Variants in IGDCC3 observed in about 807,000 individuals in gnomAD.
IGDCC3 encodes the protein immunoglobulin superfamily DCC subclass member 3.
In IGDCC3, 47 loss-of-function variants were observed where a neutral mutation model predicts 72.0. The ratio of observed to expected loss-of-function variants is 0.65; its 90% CI spans 0.52 to 0.83. The LOEUF is 0.83. Ranked by LOEUF, IGDCC3 falls within the 40% of genes least tolerant of loss-of-function variation. IGDCC3 has a pLI of 0.00. For synonymous variants in IGDCC3, 477 were observed against 472.8 expected (o/e 1.01, Z -0.11); for missense variants, 1,038 against 1,091.3 (o/e 0.95, Z 0.69).
chr15:65,329,458 C>G lies in IGDCC3; in HGVS notation c.2137G>C (p.Asp713His), dbSNP rs761587880. 1 of 1,610,732 alleles carries G rather than the reference C, an allele frequency of 6.2e-7. No individual in the cohort carries two copies. The highest frequency in any genetic ancestry group is 1.1e-5 in the South Asian group (1 of 90,678). Reference sequence around the variant, plus strand: ...AACAGCTGCTCCAGCTCCTTCATATCCACACGTTTCTCGTCTCGGCCCAGC... The same window carrying G: ...AACAGCTGCTCCAGCTCCTTCATATGCACACGTTTCTCGTCTCGGCCCAGC... Reference protein sequence around the residue: ...GQLGRDEKRVDMKELEQLFPP... With the variant: ...GQLGRDEKRVHMKELEQLFPP... The change falls in exon 13 of 14, where the codon GAT becomes CAT. Residue 713 changes from aspartate (D) to histidine (H), a missense_variant. Transcript: ENST00000327987. The surrounding 1 kb of genome is among the most constrained non-coding windows in gnomAD (Gnocchi z 4.1).
chr15:65,352,782 A>G (rs1362697823), intron 2 of IGDCC3, among the ~76,000 whole-genome samples: 3 of 152,254 alleles, frequency 2.0e-5, no homozygotes, highest in Non-Finnish European at 2.9e-5. Flanking sequence ...AGTATAATAA[A>G]GCAAATCAGT....
At chr15:65,371,717 G>T (rs1025467581) in intron 2 of IGDCC3, among the ~76,000 whole-genome samples, 13 of 152,234 alleles carry the variant, frequency 8.5e-5, no homozygotes, top group African/African-American at 3.1e-4. Context: ...GAGGGGCAGG[G>T]ATTGAGGGTG....
At chr15:65,356,967 C>T (rs896978431) in intron 2 of IGDCC3, among the ~76,000 whole-genome samples, 1 of 150,076 alleles carries the variant, frequency 6.7e-6, no homozygotes, top group African/African-American at 2.5e-5. Context: ...CCCTTGCCTC[C>T]GCCTCCGAAG....
At position 65,329,807 on chromosome 15, in the gene IGDCC3, G is replaced by A. The variant is rs764044082; in HGVS notation, c.1916C>T (p.Thr639Ile). Reference sequence around the variant, plus strand: ...GATGTGGATGCCGATGACGATGCCTGTGGTGGACGTCTGGTTGGCGGCCTC... The same window carrying A: ...GATGTGGATGCCGATGACGATGCCTATGGTGGACGTCTGGTTGGCGGCCTC... ...KEEAANQTST[T>I]GIVIGIHIGV... is the part of the protein sequence containing the mutation. Residue 639 changes from threonine to isoleucine, a missense_variant, in exon 12 of 14, where the codon ACA becomes ATA. By Grantham distance (89) the Thr-to-Ile change is moderately conservative. Coordinates refer to ENST00000327987, the MANE Select transcript of IGDCC3 (RefSeq NM_004884.4). This position sits in a 1 kb window ranked among gnomAD's most constrained non-coding sequence, Gnocchi z 4.1. 5 of 1,614,142 alleles carry A rather than the reference G, an allele frequency of 3.1e-6. No homozygotes were observed. The highest frequency in any genetic ancestry group is 1.1e-5 in the South Asian group (1 of 91,076).
chr15:65,367,938 A>G (rs530221497), intron 2 of IGDCC3, among the ~76,000 whole-genome samples: 1 of 151,898 alleles, frequency 6.6e-6, no homozygotes, highest in Admixed American at 6.6e-5. Flanking sequence ...TGGTCTCTAC[A>G]TTCCTTGTTT....
intron 2 of IGDCC3, among the ~76,000 whole-genome samples, chr15:65,366,680 T>C (rs551903082): frequency 6.6e-6 from 1 of 152,284 alleles, no homozygotes; most frequent in East Asian, 1.9e-4. Context: ...GAGCCAGTCC[T>C]GGCCCCCCAC....
chr15:65,328,872 C>T lies in IGDCC3; in HGVS notation c.*37G>A. 1 of 1,502,504 alleles carries T rather than the reference C, an allele frequency of 6.7e-7. No homozygotes were observed. The allele number at this position is 1,502,504 out of a possible 1,614,324, so 93.1% of individuals were successfully genotyped here. A position where few individuals can be genotyped will look rare whatever the true frequency, so the allele number is the denominator to read the frequency against. On this transcript the variant is annotated 3_prime_UTR_variant, in exon 14 of 14. Coordinates refer to ENST00000327987, the MANE Select transcript of IGDCC3 (RefSeq NM_004884.4). ...CTTGCTTTTGACCTGAGAATGGGCC[C>T]CGCTCCGTCCACCCTCTGGAGCCTG...
intron 2 of IGDCC3, among the ~76,000 whole-genome samples, chr15:65,345,230 T>C (rs2091115451): frequency 6.6e-6 from 1 of 152,108 alleles, no homozygotes; most frequent in Non-Finnish European, 1.5e-5. Context: ...AATCCGTCCT[T>C]AGATGTGCAC....
chr15:65,332,375 G>T (rs1345496619), intron 6 of IGDCC3, among the ~76,000 whole-genome samples: 1 of 152,136 alleles, frequency 6.6e-6, no homozygotes, highest in African/African-American at 2.4e-5. Context: ...ATTTGTATCC[G>T]AAAGCAATCA....
chr15:65,346,696 T>C (rs1291102324), intron 2 of IGDCC3, among the ~76,000 whole-genome samples: 2 of 151,994 alleles, frequency 1.3e-5, no homozygotes, highest in African/African-American at 4.8e-5. Flanking sequence ...TGACCTCAGG[T>C]GATCCGCCTG....
intron 2 of IGDCC3, among the ~76,000 whole-genome samples, chr15:65,368,990 A>C (rs2091306551): frequency 6.6e-6 from 1 of 152,194 alleles, no homozygotes; most frequent in Non-Finnish European, 1.5e-5. Context: ...AAAAGAAAGA[A>C]GCCCTTTAGG....
At chr15:65,365,322 C>T (rs76370079) in intron 2 of IGDCC3, among the ~76,000 whole-genome samples, 5,500 of 152,246 alleles carry the variant, frequency 0.036, 163 homozygotes, top group African/African-American at 0.081. Flanking sequence ...CATCTTCCCA[C>T]CCCAGGACCC....
At chr15:65,333,083 A>G (rs1011605015) in intron 6 of IGDCC3, among the ~76,000 whole-genome samples, 174 bp downstream of exon 6, 1 of 152,354 alleles carries the variant, frequency 6.6e-6, no homozygotes, top group Middle Eastern at 3.4e-3. Context: ...CAACGCAAGC[A>G]TTCCTCGGGA....
At position 65,328,860 on chromosome 15, in the gene IGDCC3, T is replaced by G; in HGVS notation, c.*49A>C. ...GACAGTAGAAATCTTGCTTTTGACC[T>G]GAGAATGGGCCCCGCTCCGTCCACC... On this transcript the variant is annotated 3_prime_UTR_variant, in exon 14 of 14. Transcript: ENST00000327987. 1 of 1,487,816 alleles carries G rather than the reference T, an allele frequency of 6.7e-7. No homozygotes were observed. The highest frequency in any genetic ancestry group is 8.9e-7 in the Non-Finnish European group (1 of 1,119,330). 92.2% of individuals were successfully genotyped at this position (1,487,816 alleles called of 1,614,324 possible). A position where few individuals can be genotyped will look rare whatever the true frequency, so the allele number is the denominator to read the frequency against.
chr15:65,376,836 G>A (rs2140176426), intron 1 of IGDCC3, among the ~76,000 whole-genome samples: 1 of 152,192 alleles, frequency 6.6e-6, no homozygotes, highest in South Asian at 2.1e-4. Flanking sequence ...AGTGTCTGTG[G>A]GGAACTTGAG....
At chr15:65,336,467 GCAGGGACACTGGTCAT>G (rs955697023) in intron 2 of IGDCC3, among the ~76,000 whole-genome samples, 9 of 152,074 alleles carry the variant, frequency 5.9e-5, no homozygotes, top group African/African-American at 2.2e-4. Context: ...TTGTTGCCCA[GCAGGGACACTGGTCAT>G]CAGGCCCTGG....
At chr15:65,360,994 C>A (rs539250773) in intron 2 of IGDCC3, among the ~76,000 whole-genome samples, 2 of 152,188 alleles carry the variant, frequency 1.3e-5, no homozygotes, top group South Asian at 4.2e-4. Flanking sequence ...CCAGGCTGGT[C>A]TTGAACTCCT....
chr15:65,370,616 A>ATGTG (rs56053228), intron 2 of IGDCC3, among the ~76,000 whole-genome samples: 1 of 108,094 alleles, frequency 9.3e-6, no homozygotes, highest in African/African-American at 4.0e-5. Context: ...ATATATATGT[A>ATGTG]TGTGTATATA....
chr15:65,370,435 AC>A (rs574543418), intron 2 of IGDCC3, among the ~76,000 whole-genome samples: 66 of 148,572 alleles, frequency 4.4e-4, no homozygotes, highest in African/African-American at 1.6e-3. Flanking sequence ...AATTGCTTGA[AC>A]CCGGGAGGCA....
Sources: allele counts gnomAD v4.1 joint callset (sites outside exome capture counted in the v4.1 genomes callset), GRCh38; gene constraint gnomAD v4.1.1; non-coding constraint Gnocchi (gnomAD v3.1); transcripts MANE v1.5; gene names NCBI Gene and HGNC (gene_info 2026-07-23, HGNC 2026-07-21).